TRPM2: variants seen among roughly 807,000 people sequenced by gnomAD.
The protein encoded by TRPM2 is transient receptor potential cation channel subfamily M member 2.
Under a neutral mutation model 174.0 loss-of-function variants are expected in TRPM2, and 161 were observed. The observed-to-expected ratio is 0.93, with a 90% CI of 0.81 to 1.05. The LOEUF (loss-of-function observed/expected upper bound fraction) is 1.05. Ranked by LOEUF, TRPM2 falls within the 50% of genes least tolerant of loss-of-function variation. TRPM2 has a pLI of 0.00. For missense variants in TRPM2, 2,057 were observed against 2,038.0 expected (o/e 1.01, Z -0.18); for synonymous variants, 954 against 861.3 (o/e 1.11, Z -1.88).
At chr21:44,422,688 T>C (rs188708401) in intron 22 of TRPM2, among the ~76,000 whole-genome samples, 136 of 152,318 alleles carry the variant, frequency 8.9e-4, no homozygotes, top group Non-Finnish European at 1.1e-3. Flanking sequence ...ACAGAGTTAT[T>C]TTAACCATAA....
chr21:44,412,682 G>A (rs2146324911), intron 19 of TRPM2, among the ~76,000 whole-genome samples: 1 of 151,886 alleles, frequency 6.6e-6, no homozygotes, highest in Admixed American at 6.6e-5. Flanking sequence ...TGGGTATGAT[G>A]TTAGCTGCAG....
At chr21:44,394,495 A>T (rs2049279419) in intron 11 of TRPM2, among the ~76,000 whole-genome samples, 1 of 150,796 alleles carries the variant, frequency 6.6e-6, no homozygotes, top group Admixed American at 6.6e-5. Flanking sequence ...AATTTTTTGT[A>T]TTTTTAGTAG....
intron 31 of TRPM2, among the ~76,000 whole-genome samples, 167 bp from the exon 32 acceptor site, chr21:44,441,525 G>A (rs1186284987): frequency 1.3e-5 from 2 of 152,198 alleles, no homozygotes; most frequent in African/African-American, 4.8e-5. Context: ...TCAGGGCCTT[G>A]TGGGTGCATC....
chr21:44,435,158 T>C lies in TRPM2; in HGVS notation c.4002T>C (p.Arg1334=), dbSNP rs778218757. The part of the protein sequence containing the change: ...PLNPMGRTGL[R]GRGSLSCFGP... ...ACCCCATGGGCCGCACAGGACTGCG[T>C]GGGCGCGGGAGCCTCAGCTGCTTCG... The change falls in exon 28 of 32, where the codon CGT becomes CGC. Residue 1334 remains arginine (R), a synonymous_variant. Transcript: ENST00000397928. 6.8e-6 allele frequency: 11 copies of C among 1,613,286 alleles called. No individual in the cohort carries two copies. Among genetic ancestry groups the C allele is most frequent in the Non-Finnish European group, 9.3e-6 (11 of 1,179,572 alleles).
intron 16 of TRPM2, 66 bp downstream of exon 16, chr21:44,401,963 G>A: frequency 6.3e-7 from 1 of 1,578,040 alleles, no homozygotes; most frequent in Non-Finnish European, 8.7e-7. Context: ...TTCTCATAGG[G>A]GACCCATGGC....
chr21:44,390,630 A>G (rs772879030), intron 9 of TRPM2, among the ~76,000 whole-genome samples: 45 of 152,140 alleles, frequency 3.0e-4, no homozygotes, highest in Non-Finnish European at 5.6e-4. Context: ...CCTGTCGCTT[A>G]GGGGCCAGGG....
upstream of TRPM2, chr21:44,350,419 G>T: frequency 1.3e-5 from 2 of 149,628 alleles, no homozygotes; most frequent in South Asian, 3.7e-4. Flanking sequence ...GGGGTGCGGG[G>T]ACCGAGGCGG....
intron 5 of TRPM2, 80 bp downstream of exon 5, chr21:44,369,423 G>A (rs1031229003): frequency 2.7e-6 from 4 of 1,508,770 alleles, no homozygotes; most frequent in Non-Finnish European, 3.6e-6. Flanking sequence ...GGGAGCAGGT[G>A]GAGTGTACGG....
chr21:44,406,844 G>A (rs1326705423), intron 19 of TRPM2, 79 bp downstream of exon 19: 5 of 1,516,254 alleles, frequency 3.3e-6, no homozygotes, highest in African/African-American at 1.4e-5. Context: ...CGCATGAGTG[G>A]GAGTGAGGCC....
In TRPM2 at chr21:44,426,735, G is replaced by A. The variant is rs1457671192; in HGVS notation, c.3871G>A (p.Asp1291Asn). The A allele has an allele frequency of 2.5e-6, 4 of 1,613,858 alleles. No homozygotes were observed. In the African/African-American group the frequency reaches 4.0e-5, roughly 16 times the overall value. The change falls in exon 26 of 32, where the codon GAC becomes AAC. Residue 1291 changes from aspartate (D) to asparagine (N), a missense_variant and splice_region_variant. Asp to Asn is a conservative substitution (Grantham distance 23, BLOSUM62 1). Coordinates refer to ENST00000397928, the MANE Select transcript of TRPM2 (RefSeq NM_003307.4). Reference sequence around the variant, plus strand: ...CGCGGCCGCCATGGACCCCATGGGAGAGTGAGTATGAGCCGCTGTCCGTGC... The same window carrying A: ...CGCGGCCGCCATGGACCCCATGGGAAAGTGAGTATGAGCCGCTGTCCGTGC... ...KDAAAMDPMG[D>N]TLEPLSTIQY...
At position 44,405,141 on chromosome 21, in the gene TRPM2, G is replaced by T. The variant is rs749786118; in HGVS notation, c.2539-1G>T. The T allele has an allele frequency of 6.2e-7, 1 of 1,613,306 alleles. No homozygotes were observed. The highest frequency in any genetic ancestry group is 8.5e-7 in the Non-Finnish European group (1 of 1,179,802). ...CTTCCTACCGCCCCTCTTCCCAGTA[G>T]CTCTTCTATGACCCTGACGAGTGCG... On this transcript the variant is annotated splice_acceptor_variant, in intron 16 of 31. Coordinates refer to ENST00000397928, the MANE Select transcript of TRPM2 (RefSeq NM_003307.4). LOFTEE classifies it high-confidence loss of function.
At chr21:44,384,349 A>G (rs1245144843) in intron 9 of TRPM2, among the ~76,000 whole-genome samples, 1 of 152,220 alleles carries the variant, frequency 6.6e-6, no homozygotes, top group Admixed American at 6.5e-5. Context: ...GCCTTCCCAG[A>G]GGATGGTCAG....
intron 9 of TRPM2, among the ~76,000 whole-genome samples, chr21:44,389,108 ATC>A (rs965910473): frequency 1.3e-5 from 2 of 151,856 alleles, no homozygotes; most frequent in African/African-American, 4.8e-5. Context: ...TCTGGAAATC[ATC>A]TGTCTGCTTT....
At chr21:44,382,696 A>C in intron 8 of TRPM2, 22 bp from the exon 9 acceptor site, 1 of 1,611,564 alleles carries the variant, frequency 6.2e-7, no homozygotes, top group Non-Finnish European at 8.5e-7. Context: ...TGTGTGTCTC[A>C]CTTAGAAAAT....
intron 30 of TRPM2, 51 bp from the exon 31 acceptor site, chr21:44,440,738 C>T (rs1197655777): frequency 6.6e-7 from 1 of 1,526,452 alleles, no homozygotes; most frequent in South Asian, 1.1e-5. Context: ...TGGGCCGGGG[C>T]ACCGCTCAGG....
chr21:44,404,248 C>T (rs1229529282), intron 16 of TRPM2, among the ~76,000 whole-genome samples: 1 of 151,930 alleles, frequency 6.6e-6, no homozygotes, highest in Non-Finnish European at 1.5e-5. Flanking sequence ...CACACACAAA[C>T]ATGCATACAT....
At chr21:44,437,917 C>T (rs993557713) in intron 29 of TRPM2, among the ~76,000 whole-genome samples, 1 of 152,244 alleles carries the variant, frequency 6.6e-6, no homozygotes. Context: ...GTACAGCCTG[C>T]CCCGCAGGGC....
At position 44,399,742 on chromosome 21, in the gene TRPM2, C is replaced by T. The variant is rs895853536; in HGVS notation, c.2208+301C>T. On this transcript the variant is annotated intron_variant, in intron 14 of 31. Coordinates refer to ENST00000397928, the MANE Select transcript of TRPM2 (RefSeq NM_003307.4). The surrounding 1 kb of genome is among the most constrained non-coding windows in gnomAD (Gnocchi z 4.6). Reference sequence around the variant, plus strand: ...GAAGCCCAGGTGGCTCTGGGAACGGCGTCTGCCCTCTCTCCCTGGAGGGAT... The same window carrying T: ...GAAGCCCAGGTGGCTCTGGGAACGGTGTCTGCCCTCTCTCCCTGGAGGGAT... Among the ~76,000 whole-genome samples the T allele has an allele frequency of 1.3e-5, 2 of 152,182 alleles. No individual in the cohort carries two copies. Among genetic ancestry groups the T allele is most frequent in the Admixed American group, 6.5e-5 (1 of 15,286 alleles).
chr21:44,405,274 CCCCGATGGCGGG>C lies in TRPM2; in HGVS notation c.2657+19_2657+30del, dbSNP rs748070171. The C allele has an allele frequency of 5.6e-6, 9 of 1,611,190 alleles. No individual in the cohort carries two copies. In the South Asian group the frequency reaches 9.9e-5, roughly 18 times the overall value. On this transcript the variant is annotated intron_variant, in intron 17 of 31. Coordinates refer to ENST00000397928, the MANE Select transcript of TRPM2 (RefSeq NM_003307.4). ...GCTGACCTGCAGGTGAGTGGCCTCA[CCCCGATGGCGGG>C]CCCGTCTGAGGCAGCCAGCCCTGCA...
Sources: allele counts gnomAD v4.1 joint callset (sites outside exome capture counted in the v4.1 genomes callset), GRCh38; gene constraint gnomAD v4.1.1; non-coding constraint Gnocchi (gnomAD v3.1); transcripts MANE v1.5; gene names NCBI Gene and HGNC (gene_info 2026-07-23, HGNC 2026-07-21).